The following BICDL1 variants were observed in gnomAD, a reference collection of about 807,000 sequenced individuals.
The protein encoded by BICDL1 is BICD family-like cargo adapter 1.
Under a neutral mutation model 76.8 loss-of-function variants are expected in BICDL1, and 20 were observed. The ratio of observed to expected loss-of-function variants is 0.26; its 90% CI spans 0.18 to 0.38. The LOEUF (loss-of-function observed/expected upper bound fraction) is 0.38, where lower values mean the gene tolerates loss of function less well. BICDL1 is among the 10% of genes least tolerant of loss of function. The pLI, the probability that BICDL1 is intolerant of heterozygous loss-of-function variation, is 1.00. For synonymous variants in BICDL1, 383 were observed against 337.1 expected (o/e 1.14, Z -1.49); for missense variants, 700 against 798.6 (o/e 0.88, Z 1.49).
At chr12:120,018,571 T>C (rs1952112878) in intron 2 of BICDL1, among the ~76,000 whole-genome samples, 1 of 152,190 alleles carries the variant, frequency 6.6e-6, no homozygotes, top group African/African-American at 2.4e-5. Context: ...GTGAAATGAA[T>C]GCAGGTTTTG....
At chr12:120,056,690 C>T (rs1952980642) in intron 2 of BICDL1, among the ~76,000 whole-genome samples, 2 of 151,730 alleles carry the variant, frequency 1.3e-5, no homozygotes, top group African/African-American at 4.9e-5. Context: ...GCACTCCAGC[C>T]TGGGTGACAG....
At chr12:119,999,693 A>C in intron 2 of BICDL1, 1 of 351,958 alleles carries the variant, frequency 2.8e-6, no homozygotes, top group South Asian at 2.2e-5. Flanking sequence ...ATTTAAATAC[A>C]GAACATACCT....
At chr12:120,088,028 C>G (rs1874575282) in intron 8 of BICDL1, among the ~76,000 whole-genome samples, 1 of 152,084 alleles carries the variant, frequency 6.6e-6, no homozygotes, top group Admixed American at 6.6e-5. Context: ...CTCCTGGATT[C>G]AAGTGATCTC....
intron 2 of BICDL1, chr12:120,057,136 C>G: frequency 1.9e-6 from 1 of 518,942 alleles, no homozygotes; most frequent in Non-Finnish European, 3.9e-6. Flanking sequence ...TCATGGATGA[C>G]AGGTTCCCAA....
At chr12:120,019,642 G>A (rs932926053) in intron 2 of BICDL1, among the ~76,000 whole-genome samples, 5 of 152,094 alleles carry the variant, frequency 3.3e-5, no homozygotes, top group Non-Finnish European at 7.4e-5. Flanking sequence ...GAGTCTGGGA[G>A]TCTCTCTGTG....
intron 2 of BICDL1, among the ~76,000 whole-genome samples, chr12:120,040,812 A>G (rs948021771): frequency 2.0e-5 from 3 of 148,194 alleles, no homozygotes; most frequent in African/African-American, 7.7e-5. Flanking sequence ...CAATGGCATG[A>G]TCCCGGCTCA....
chr12:120,026,594 A>G (rs1476955289), intron 2 of BICDL1, among the ~76,000 whole-genome samples: 1 of 152,234 alleles, frequency 6.6e-6, no homozygotes, highest in Non-Finnish European at 1.5e-5. Flanking sequence ...GATTTAAAGT[A>G]CCTATAACAA....
chr12:119,992,533 C>G (rs1164819992), intron 1 of BICDL1: 1 of 152,234 alleles, frequency 6.6e-6, no homozygotes, highest in African/African-American at 2.4e-5. Flanking sequence ...CAGGCGCCTA[C>G]TACACACCTG....
intron 8 of BICDL1, 149 bp downstream of exon 8, chr12:120,081,166 C>T (rs1873950380): frequency 2.9e-6 from 2 of 683,316 alleles, no homozygotes; most frequent in Non-Finnish European, 2.3e-6. Flanking sequence ...CACCCCCACC[C>T]CCATTCCCAT....
intron 2 of BICDL1, among the ~76,000 whole-genome samples, chr12:120,027,318 A>G (rs1019024541): frequency 1.6e-4 from 24 of 152,122 alleles, no homozygotes; most frequent in African/African-American, 5.6e-4. Flanking sequence ...CACCACACCC[A>G]GCTGGGAATA....
At chr12:120,025,252 G>T (rs371522528) in intron 2 of BICDL1, among the ~76,000 whole-genome samples, 1 of 151,820 alleles carries the variant, frequency 6.6e-6, no homozygotes, top group South Asian at 2.1e-4. Flanking sequence ...GGGTTTCACC[G>T]TGTTAGCCAG....
At chr12:119,995,118 C>T (rs1951613183) in intron 1 of BICDL1, among the ~76,000 whole-genome samples, 1 of 152,120 alleles carries the variant, frequency 6.6e-6, no homozygotes, top group South Asian at 2.1e-4. Context: ...TATTAACTTT[C>T]TAAAATACTA....
At chr12:120,002,873 G>A (rs1951784242) in intron 2 of BICDL1, among the ~76,000 whole-genome samples, 1 of 152,044 alleles carries the variant, frequency 6.6e-6, no homozygotes, top group Admixed American at 6.6e-5. Context: ...ACTCGGTAGG[G>A]GGCCGGGTCA....
chr12:120,019,114 G>C (rs78389667), intron 2 of BICDL1: 2 of 151,590 alleles, frequency 1.3e-5, no homozygotes, highest in African/African-American at 4.9e-5. Context: ...TCTCGGGAGC[G>C]GGGGACCGCC....
At chr12:120,054,042 G>A (rs10400560) in intron 2 of BICDL1, among the ~76,000 whole-genome samples, 19,979 of 151,112 alleles carry the variant, frequency 0.13, 1,641 homozygotes, top group East Asian at 0.4. Flanking sequence ...CAGGCATGGT[G>A]GTGGGCACCT....
At chr12:120,056,796 G>A (rs960926807) in intron 2 of BICDL1, among the ~76,000 whole-genome samples, 3 of 152,226 alleles carry the variant, frequency 2.0e-5, no homozygotes, top group Non-Finnish European at 4.4e-5. Flanking sequence ...AGACCTGGCA[G>A]GAGAGTGGCT....
chr12:120,069,820 A>T (rs1479254829), intron 4 of BICDL1, among the ~76,000 whole-genome samples: 1 of 152,218 alleles, frequency 6.6e-6, no homozygotes, highest in East Asian at 1.9e-4. Context: ...CAGCACCCTA[A>T]AAAGAATACT....
At chr12:119,991,686 G>T (rs911950619) in intron 1 of BICDL1, among the ~76,000 whole-genome samples, 1 of 152,068 alleles carries the variant, frequency 6.6e-6, no homozygotes, top group Non-Finnish European at 1.5e-5. Context: ...TTATACTTGT[G>T]ATTTGAAATT....
intron 2 of BICDL1, among the ~76,000 whole-genome samples, chr12:120,011,122 T>C (rs1031094488): frequency 1.1e-4 from 17 of 152,206 alleles, no homozygotes; most frequent in African/African-American, 4.1e-4. Flanking sequence ...CCTCCAGCCA[T>C]CTTCCATCTT....
Sources: gnomAD v4.1 joint callset for allele counts (sites outside exome capture counted in the v4.1 genomes callset) on GRCh38, gnomAD v4.1.1 for gene constraint, MANE v1.5 for transcripts, NCBI Gene and HGNC (gene_info 2026-07-23, HGNC 2026-07-21) for gene names.